The following GPR107 variants were observed in gnomAD, a reference collection of about 807,000 sequenced individuals.
GPR107 encodes G protein-coupled receptor 107.
In GPR107, 31 loss-of-function variants were observed where a neutral mutation model predicts 75.5. The observed-to-expected ratio is 0.41, with a 90% CI of 0.31 to 0.55. The LOEUF (loss-of-function observed/expected upper bound fraction) is 0.55, where lower values mean the gene tolerates loss of function less well. Among genes scored for constraint, GPR107 ranks in the 20% least tolerant of loss-of-function variants. GPR107 has a pLI of 0.26. For missense variants in GPR107, 572 were observed against 665.7 expected (o/e 0.86, Z 1.55); for synonymous variants, 267 against 251.3 (o/e 1.06, Z -0.59).
intron 1 of GPR107, among the ~76,000 whole-genome samples, chr9:130,059,265 A>G (rs894140248): frequency 1.2e-4 from 19 of 152,312 alleles, no homozygotes; most frequent in African/African-American, 4.6e-4. Context: ...AGGCAGGTGG[A>G]TCACCTGAGG....
chr9:130,075,779 T>G (rs1247254507), intron 2 of GPR107, 30 bp downstream of exon 2: 2 of 1,078,430 alleles, frequency 1.9e-6, no homozygotes, highest in Non-Finnish European at 2.8e-6. Flanking sequence ...ATCCAGGGGT[T>G]TACTCTTTTT....
intron 1 of GPR107, among the ~76,000 whole-genome samples, chr9:130,061,590 G>C (rs995171014): frequency 1.3e-5 from 2 of 152,134 alleles, no homozygotes; most frequent in African/African-American, 4.8e-5. Flanking sequence ...CCTGGTTTTT[G>C]GCATAGGGAA....
At chr9:130,058,615 C>T (rs1829850973) in intron 1 of GPR107, among the ~76,000 whole-genome samples, 1 of 152,168 alleles carries the variant, frequency 6.6e-6, no homozygotes, top group African/African-American at 2.4e-5. Context: ...CAGGCACCTG[C>T]CACCACGCTC....
In GPR107 at chr9:130,128,686, A is replaced by G. The variant is rs770012902; in HGVS notation, c.1487A>G (p.Tyr496Cys). 13 of 1,610,826 alleles carry G rather than the reference A, an allele frequency of 8.1e-6. No individual in the cohort carries two copies. The highest frequency in any genetic ancestry group is 3.3e-4 in the Middle Eastern group (2 of 6,056). Reference sequence around the variant, plus strand: ...CTGGTCTTCTTTGTTCTAACGGGGTATAAATTCCGTCCGGCTTCAGATAAC... The same window carrying G: ...CTGGTCTTCTTTGTTCTAACGGGGTGTAAATTCCGTCCGGCTTCAGATAAC... ...ATLVFFVLTG[Y>C]KFRPASDNPY... Residue 496 changes from tyrosine to cysteine, a missense_variant, in exon 17 of 18, where the codon TAT becomes TGT. By Grantham distance (194) the Tyr-to-Cys change is radical. Coordinates refer to ENST00000347136, the MANE Select transcript of GPR107 (RefSeq NM_020960.5).
chr9:130,082,692 G>T (rs977327724), intron 5 of GPR107, among the ~76,000 whole-genome samples: 4 of 151,988 alleles, frequency 2.6e-5, no homozygotes, highest in African/African-American at 9.6e-5. Flanking sequence ...TGTTAGCCAG[G>T]ATGGTCTCAA....
Position 130,079,619 on chromosome 9 carries a change from T to C in GPR107, c.387-11T>C. On this transcript the variant is annotated splice_polypyrimidine_tract_variant and intron_variant, in intron 4 of 17. Transcript: ENST00000347136. ...TTTGACCTTTTTTCCTTCTGTCTTA[T>C]TTGAATGTAGGGTAAGAGTAAAGTC... The C allele has an allele frequency of 6.2e-7, 1 of 1,612,486 alleles. No homozygotes were observed. Among genetic ancestry groups the C allele is most frequent in the South Asian group, 1.1e-5 (1 of 90,930 alleles).
In GPR107 at chr9:130,064,185, C is replaced by CTTTTT. The variant is rs1045833413; in HGVS notation, c.141+10131_141+10135dup. Among the ~76,000 whole-genome samples the CTTTTT allele has an allele frequency of 8.5e-3, 699 of 82,518 alleles. 26 individuals are homozygous for CTTTTT. The highest frequency in any genetic ancestry group is 0.011 in the African/African-American group (235 of 20,744). 54.1% of individuals were successfully genotyped at this position (82,518 alleles called of 152,430 possible). On this transcript the variant is annotated intron_variant, in intron 1 of 17. Coordinates refer to ENST00000347136, the MANE Select transcript of GPR107 (RefSeq NM_020960.5). ...GTATCTGAACTATAAAATAGCTTTT[C>CTTTTT]TTTTTTTTTTTTTTTTTTTTTTTGA...
chr9:130,121,117 G>A (rs1262249475), intron 14 of GPR107, among the ~76,000 whole-genome samples: 1 of 152,054 alleles, frequency 6.6e-6, no homozygotes, highest in African/African-American at 2.4e-5. Context: ...GCAGGCTGAG[G>A]CTTCAGTGAA....
At chr9:130,084,143 A>G (rs1261320588) in intron 6 of GPR107, among the ~76,000 whole-genome samples, 2 of 150,552 alleles carry the variant, frequency 1.3e-5, no homozygotes, top group Non-Finnish European at 2.9e-5. Context: ...TCATGCCGTA[A>G]TCCCAGCACT....
At chr9:130,083,297 T>G in intron 5 of GPR107, 1 of 273,098 alleles carries the variant, frequency 3.7e-6, no homozygotes, top group South Asian at 1.6e-4. Context: ...TCTCTGGCAA[T>G]AACATAAGCT....
intron 11 of GPR107, 56 bp downstream of exon 11, chr9:130,100,758 G>A (rs1182484601): frequency 7.8e-7 from 1 of 1,279,968 alleles, no homozygotes; most frequent in Non-Finnish European, 1.1e-6. Flanking sequence ...AGACAAGGGG[G>A]GTGGGCAACA....
intron 11 of GPR107, 111 bp downstream of exon 11, chr9:130,100,813 C>A: frequency 1.3e-6 from 1 of 774,858 alleles, no homozygotes; most frequent in Non-Finnish European, 2.2e-6. Context: ...GGCAGCCTGT[C>A]TGGGCCCCTG....
rs764840072 is a variant in GPR107, at chr9:130,128,730, C to T, written c.1531C>T (p.Gln511Ter). The T allele has an allele frequency of 7.4e-6, 12 of 1,613,370 alleles. No individual in the cohort carries two copies. Among genetic ancestry groups the T allele is most frequent in the South Asian group, 6.6e-5 (6 of 91,062 alleles). Residue 511 changes from glutamine to a stop codon, truncating the protein, a stop_gained, in exon 17 of 18, where the codon CAG (glutamine) becomes TAG (stop). Transcript: ENST00000347136. LOFTEE classifies it high-confidence loss of function. ...ASDNPYLQLS[Q>*]EEEDLEMESV... ...AGATAACCCCTACCTACAACTTTCTCAGGAAGAAGAAGACTTGGAAATGGA... is the reference window on the plus strand; with the variant it reads ...AGATAACCCCTACCTACAACTTTCTTAGGAAGAAGAAGACTTGGAAATGGA...
intron 9 of GPR107, among the ~76,000 whole-genome samples, chr9:130,098,880 C>T (rs551965823): frequency 2.2e-5 from 3 of 134,708 alleles, no homozygotes; most frequent in Admixed American, 1.5e-4. Context: ...TCTTGGCGCA[C>T]GCCTGTAATC....
At chr9:130,131,954 C>A (rs797031916) in intron 17 of GPR107, among the ~76,000 whole-genome samples, 1 of 152,174 alleles carries the variant, frequency 6.6e-6, no homozygotes, top group Non-Finnish European at 1.5e-5. Flanking sequence ...TATCACAGCT[C>A]ACTGCAGGCT....
chr9:130,109,811 C>T (rs1589519487), intron 14 of GPR107, among the ~76,000 whole-genome samples: 1 of 150,978 alleles, frequency 6.6e-6, no homozygotes, highest in African/African-American at 2.4e-5. Flanking sequence ...CCTCGCGATC[C>T]ACCTGCCTCG....
chr9:130,096,601 G>A (rs553933804), intron 9 of GPR107, among the ~76,000 whole-genome samples: 1 of 151,484 alleles, frequency 6.6e-6, no homozygotes, highest in East Asian at 1.9e-4. Flanking sequence ...CCGAGTAGCT[G>A]GGACTACAGG....
intron 14 of GPR107, chr9:130,108,704 T>G: frequency 2.2e-6 from 1 of 455,760 alleles, no homozygotes; most frequent in Admixed American, 2.4e-5. Flanking sequence ...CTGCACCAGC[T>G]TTTGTTTTCT....
chr9:130,085,078 G>A (rs1478971431), intron 6 of GPR107, among the ~76,000 whole-genome samples: 3 of 152,202 alleles, frequency 2.0e-5, no homozygotes, highest in Non-Finnish European at 4.4e-5. Context: ...TAGAGGAATT[G>A]ATGAGCAGGC....
Sources: allele counts gnomAD v4.1 joint callset (sites outside exome capture counted in the v4.1 genomes callset), GRCh38; gene constraint gnomAD v4.1.1; transcripts MANE v1.5; gene names NCBI Gene and HGNC (gene_info 2026-07-23, HGNC 2026-07-21).